Variants in SDK1 observed in about 807,000 individuals in gnomAD.
The protein encoded by SDK1 is sidekick cell adhesion molecule 1, also known as protein sidekick-1.
A neutral mutation model predicts 245.5 loss-of-function variants in SDK1; 157 were observed. The ratio of observed to expected loss-of-function variants is 0.64; its 90% confidence interval spans 0.56 to 0.73. SDK1 has a LOEUF of 0.73. Ranked by LOEUF, SDK1 falls within the 30% of genes least tolerant of loss-of-function variation. The pLI is 0.00. For missense variants in SDK1, 3,583 were observed against 3,002.3 expected, an observed-to-expected ratio of 1.19 and a Z score of -4.52; for synonymous variants, 1,647 against 1,278.5, an observed-to-expected ratio of 1.29 and a Z score of -6.15.
chr7:3,744,785 C>G (rs1342738669), intron 4 of SDK1, among the ~76,000 whole-genome samples: 1 of 151,414 alleles, frequency 6.6e-6, no homozygotes, highest in Non-Finnish European at 1.5e-5. Context: ...GCACTCCAGC[C>G]TGGGCGACAG....
chr7:3,789,320 G>C (rs1040257666), intron 4 of SDK1, among the ~76,000 whole-genome samples: 1 of 152,096 alleles, frequency 6.6e-6, no homozygotes, highest in African/African-American at 2.4e-5. Flanking sequence ...GCTAATTTTT[G>C]TGTTTTTAGT....
At chr7:3,847,062 T>G in intron 5 of SDK1, among the ~76,000 whole-genome samples, 1 of 152,168 alleles carries the variant, frequency 6.6e-6, no homozygotes, top group Non-Finnish European at 1.5e-5. Flanking sequence ...CGCTTCTTTT[T>G]TTTTTTGCTT....
chr7:4,220,315 C>G, intron 39 of SDK1, 45 bp downstream of exon 39: 1 of 1,574,832 alleles, frequency 6.3e-7, no homozygotes, highest in Non-Finnish European at 8.7e-7. Flanking sequence ...GCAACTTTAG[C>G]CTCCCGCCTC....
chr7:4,072,883 C>T (rs1183162549), intron 20 of SDK1, among the ~76,000 whole-genome samples: 3 of 152,196 alleles, frequency 2.0e-5, no homozygotes, highest in East Asian at 3.9e-4. Context: ...GAGGGAAGCA[C>T]GGAGTAGGGG....
chr7:4,140,128 G>GCAGACAGTGGCGCTGCTC (rs1779476973), intron 28 of SDK1, among the ~76,000 whole-genome samples: 1 of 152,162 alleles, frequency 6.6e-6, no homozygotes, highest in South Asian at 2.1e-4. Flanking sequence ...TCTGGCTGCT[G>GCAGACAGTGGCGCTGCTC]CAGACAGTGG....
intron 5 of SDK1, among the ~76,000 whole-genome samples, chr7:3,921,997 G>A (rs1293256089): frequency 2.6e-5 from 4 of 152,096 alleles, no homozygotes; most frequent in Non-Finnish European, 4.4e-5. Context: ...GAAGCTCCCT[G>A]GATTCCAGCC....
At position 4,210,050 on chromosome 7, in the gene SDK1, G is replaced by T. The variant is rs150887633; in HGVS notation, c.5427G>T (p.Ala1809=). 8.8e-6 allele frequency: 14 copies of T among 1,595,728 alleles called. No homozygotes were observed. Among genetic ancestry groups the T allele is most frequent in the African/African-American group, 1.4e-5 (1 of 74,062 alleles). ...QAAPGAPSFL[A]FSEITSTTLN... ...CCCCTGGGGCCCCCAGCTTTCTGGC[G>T]TTCTCAGAAATAACCTCCACCACGC... The change falls in exon 38 of 45, where the codon GCG becomes GCT. Residue 1809 remains alanine, a synonymous_variant. Transcript: ENST00000404826.
At chr7:3,811,246 G>T (rs1175551540) in intron 4 of SDK1, among the ~76,000 whole-genome samples, 1 of 152,126 alleles carries the variant, frequency 6.6e-6, no homozygotes, top group Non-Finnish European at 1.5e-5. Flanking sequence ...GAGCCTGTGG[G>T]AGTAAAATCG....
intron 19 of SDK1, among the ~76,000 whole-genome samples, chr7:4,055,632 T>C (rs1178262286): frequency 6.6e-6 from 1 of 152,138 alleles, no homozygotes; most frequent in Non-Finnish European, 1.5e-5. Context: ...TTTTCAACTT[T>C]ATTGATTTCT....
chr7:3,407,462 T>C (rs1341101730), intron 1 of SDK1, among the ~76,000 whole-genome samples: 1 of 152,170 alleles, frequency 6.6e-6, no homozygotes, highest in Non-Finnish European at 1.5e-5. Flanking sequence ...CAACCTGCTT[T>C]AATCTCTGCA....
chr7:3,391,280 A>G (rs1236784210), intron 1 of SDK1, among the ~76,000 whole-genome samples: 1 of 152,208 alleles, frequency 6.6e-6, no homozygotes, highest in Non-Finnish European at 1.5e-5. Flanking sequence ...ACTCTTAAAA[A>G]TGACTTTTCT....
intron 32 of SDK1, among the ~76,000 whole-genome samples, chr7:4,164,592 G>A (rs532086007): frequency 6.6e-6 from 1 of 152,200 alleles, no homozygotes; most frequent in Non-Finnish European, 1.5e-5. Flanking sequence ...CTTTGTAGAC[G>A]TGGCGGCAGC....
rs566881621 is a variant in SDK1 at position 3,821,337 on chromosome 7, G to C, written c.714-113G>C. The C allele has an allele frequency of 8.1e-6, 10 of 1,233,878 alleles. No individual in the cohort carries two copies. In the African/African-American group the frequency reaches 1.2e-4, roughly 15 times the overall value. The allele number at this position is 1,233,878 out of a possible 1,614,324, so 76.4% of individuals were successfully genotyped here. ...CCTGTGTATTGTTTTTGTCCTTCCA[G>C]CTCTTCTTTTAAACTCTAGGCATTC... On this transcript the variant is annotated intron_variant, in intron 4 of 44. Coordinates refer to ENST00000404826, the MANE Select transcript of SDK1 (RefSeq NM_152744.4).
intron 14 of SDK1, among the ~76,000 whole-genome samples, chr7:4,004,562 C>T (rs894108207): frequency 1.9e-4 from 29 of 152,144 alleles, no homozygotes; most frequent in African/African-American, 4.1e-4. Context: ...AAAATAGACA[C>T]TTTCTAAGAA....
intron 4 of SDK1, among the ~76,000 whole-genome samples, chr7:3,655,493 A>ATGTATG (rs1275095313): frequency 4.6e-5 from 3 of 65,416 alleles, no homozygotes; most frequent in African/African-American, 1.4e-4. Flanking sequence ...ATATATATAT[A>ATGTATG]TATATATATA....
At chr7:3,903,020 C>G (rs1481472493) in intron 5 of SDK1, among the ~76,000 whole-genome samples, 1 of 152,066 alleles carries the variant, frequency 6.6e-6, no homozygotes, top group Non-Finnish European at 1.5e-5. Flanking sequence ...GCAATAAACA[C>G]CTGAGAAAAT....
chr7:3,488,228 G>A (rs1211812862), intron 1 of SDK1, among the ~76,000 whole-genome samples: 1 of 151,966 alleles, frequency 6.6e-6, no homozygotes, highest in Non-Finnish European at 1.5e-5. Flanking sequence ...CCAATTTTAT[G>A]CTGTGTCTTT....
At position 4,119,212 on chromosome 7, in the gene SDK1, G is replaced by T. The variant is rs1177307685; in HGVS notation, c.3823+4938G>T. 1.3e-5 allele frequency among the ~76,000 whole-genome samples: 2 copies of T among 148,376 alleles called. 1 individual carries two copies. The highest frequency in any genetic ancestry group is 3.0e-5 in the Non-Finnish European group (2 of 66,598). The stretch of plus-strand genomic sequence containing the variant: ...TACCTGTAATCCCAACACTTTGAGA[G>T]GCAGAGGCAGGAGGATTACCAGGAG... On this transcript the variant is annotated intron_variant, in intron 25 of 44. Coordinates refer to ENST00000404826, the MANE Select transcript of SDK1 (RefSeq NM_152744.4).
chr7:3,314,701 A>G (rs1779623064), intron 1 of SDK1, among the ~76,000 whole-genome samples: 1 of 152,234 alleles, frequency 6.6e-6, no homozygotes, highest in African/African-American at 2.4e-5. Flanking sequence ...AATGAAAAGC[A>G]TGAAATATAA....
Sources: gnomAD v4.1 joint callset for allele counts (sites outside exome capture counted in the v4.1 genomes callset) on GRCh38, gnomAD v4.1.1 for gene constraint, MANE v1.5 for transcripts, NCBI Gene and HGNC (gene_info 2026-07-23, HGNC 2026-07-21) for gene names.